BRINP3: variants seen among roughly 807,000 people sequenced by gnomAD.
BRINP3 encodes the protein BMP/retinoic acid-inducible neural-specific protein 3.
In BRINP3, 19 loss-of-function variants were observed where a neutral mutation model predicts 71.0. The ratio of observed to expected loss-of-function variants is 0.27; its 90% confidence interval spans 0.19 to 0.39. The LOEUF is 0.39. BRINP3 is among the 10% of genes least tolerant of loss of function. The probability of loss-of-function intolerance (pLI) is 1.00; values close to 1 mark genes in which losing one functional copy is unlikely to be tolerated. For missense variants in BRINP3, 959 were observed against 940.8 expected (o/e 1.02, Z -0.25); for synonymous variants, 380 against 337.7 (o/e 1.13, Z -1.37).
chr1:190,380,007 AAAAAAG>A (rs1433022092), intron 2 of BRINP3, among the ~76,000 whole-genome samples: 87 of 123,262 alleles, frequency 7.1e-4, no homozygotes, highest in African/African-American at 1.9e-3. Flanking sequence ...CAAAAAAAAA[AAAAAAG>A]AAAAAAGAAA....
At position 190,311,154 on chromosome 1, in the gene BRINP3, G is replaced by A. The variant is rs998928925; in HGVS notation, c.237-29404C>T. Among the ~76,000 whole-genome samples, 4 of 151,628 alleles carry A rather than the reference G, an allele frequency of 2.6e-5. No individual in the cohort carries two copies. In the East Asian group the frequency reaches 5.8e-4, roughly 22 times the overall value. ...CAATGAACTGAAACAGCAAGCACAA[G>A]GTCCCATGTGCTTTTATCATAAATG... On this transcript the variant is annotated intron_variant, in intron 2 of 7. Transcript: ENST00000367462.
intron 2 of BRINP3, among the ~76,000 whole-genome samples, chr1:190,380,117 A>ACTCAGCCT (rs1234382148): frequency 1.3e-5 from 2 of 152,098 alleles, no homozygotes; most frequent in Non-Finnish European, 1.5e-5. Context: ...AGTTGAATTT[A>ACTCAGCCT]CTCAGCCTTG....
At chr1:190,404,326 G>A (rs1672125823) in intron 2 of BRINP3, among the ~76,000 whole-genome samples, 2 of 152,054 alleles carry the variant, frequency 1.3e-5, no homozygotes, top group Admixed American at 1.3e-4. Flanking sequence ...CTGGGATGCA[G>A]GGCTGATATG....
chr1:190,261,505 C>T (rs1321780622), intron 4 of BRINP3, among the ~76,000 whole-genome samples: 1 of 152,052 alleles, frequency 6.6e-6, no homozygotes, highest in Non-Finnish European at 1.5e-5. Context: ...CTTTATTCCA[C>T]TTTCTAGAAA....
chr1:190,361,516 C>T (rs534067972), intron 2 of BRINP3, among the ~76,000 whole-genome samples: 2 of 152,140 alleles, frequency 1.3e-5, no homozygotes, highest in South Asian at 4.2e-4. Flanking sequence ...GATTCTCCTG[C>T]CTTAGCCTCC....
chr1:190,301,166 C>CATATATATACATATATATGT (rs1664662998), intron 2 of BRINP3, among the ~76,000 whole-genome samples: 2 of 38,062 alleles, frequency 5.3e-5, no homozygotes, highest in Non-Finnish European at 6.3e-5. Context: ...TATATATATA[C>CATATATATACATATATATGT]ATATATATAC....
chr1:190,229,247 T>C (rs1225765382), intron 5 of BRINP3, among the ~76,000 whole-genome samples: 4 of 151,870 alleles, frequency 2.6e-5, no homozygotes, highest in Non-Finnish European at 4.4e-5. Context: ...TGGGAGGTAA[T>C]AGAATCATGG....
intron 3 of BRINP3, among the ~76,000 whole-genome samples, chr1:190,269,072 A>G (rs577045805): frequency 1.5e-4 from 23 of 152,300 alleles, no homozygotes; most frequent in Admixed American, 9.2e-4. Context: ...GCAAATTGTA[A>G]AATCTGTATA....
chr1:190,369,559 C>CAT (rs1375510996), intron 2 of BRINP3, among the ~76,000 whole-genome samples: 8 of 151,826 alleles, frequency 5.3e-5, no homozygotes, highest in Non-Finnish European at 1.2e-4. Flanking sequence ...ATTAAATGTA[C>CAT]AATCTCTGAG....
intron 3 of BRINP3, among the ~76,000 whole-genome samples, chr1:190,266,033 T>G (rs528403767): frequency 1.1e-4 from 17 of 152,318 alleles, no homozygotes; most frequent in Non-Finnish European, 1.9e-4. Context: ...AGCTGAACTT[T>G]TCAATGTCCA....
intron 2 of BRINP3, among the ~76,000 whole-genome samples, chr1:190,451,825 C>T (rs1675627462): frequency 6.6e-6 from 1 of 151,954 alleles, no homozygotes; most frequent in Admixed American, 6.6e-5. Context: ...GTGTCCTTGC[C>T]GTTCTATATT....
intron 2 of BRINP3, among the ~76,000 whole-genome samples, chr1:190,287,295 GGC>G (rs1378913120): frequency 6.6e-6 from 1 of 151,990 alleles, no homozygotes; most frequent in African/African-American, 2.4e-5. Flanking sequence ...TTTTCCATTT[GGC>G]TGGTAAAAGG....
intron 3 of BRINP3, among the ~76,000 whole-genome samples, chr1:190,275,958 T>TAG (rs1331626758): frequency 2.1e-4 from 31 of 150,270 alleles, no homozygotes; most frequent in South Asian, 1.1e-3. Context: ...GATATATATA[T>TAG]ATATAGAGAG....
intron 6 of BRINP3, among the ~76,000 whole-genome samples, chr1:190,208,660 A>G (rs1408264524): frequency 6.6e-6 from 1 of 151,550 alleles, no homozygotes; most frequent in African/African-American, 2.4e-5. Flanking sequence ...ATGCCCAGCT[A>G]ATTTTTGTAT....
In BRINP3 at chr1:190,150,264, CTATG is replaced by C. The variant is rs773990448; in HGVS notation, c.1184+10400_1184+10403del. 8.4e-4 allele frequency among the ~76,000 whole-genome samples: 111 copies of C among 131,714 alleles called. 1 individual carries two copies. Among genetic ancestry groups the C allele is most frequent in the South Asian group, 8.4e-3 (36 of 4,282 alleles). The allele number at this position is 131,714 out of a possible 152,430, so 86.4% of individuals were successfully genotyped here. A position where few individuals can be genotyped will look rare whatever the true frequency, so the allele number is the denominator to read the frequency against. ...AATGAGTTGGTATATATGTGCATAT[CTATG>C]TGTGTGTGTGTGTGTGTGTGTACAT... On this transcript the variant is annotated intron_variant, in intron 7 of 7. Transcript: ENST00000367462.
At chr1:190,301,196 T>C (rs372388878) in intron 2 of BRINP3, among the ~76,000 whole-genome samples, 15 of 36,732 alleles carry the variant, frequency 4.1e-4, no homozygotes, top group South Asian at 3.5e-3. Flanking sequence ...TGTATATATA[T>C]ACACATACAT....
intron 7 of BRINP3, among the ~76,000 whole-genome samples, chr1:190,154,956 T>G (rs771021472): frequency 1.5e-4 from 23 of 152,122 alleles, no homozygotes; most frequent in Non-Finnish European, 2.9e-4. Context: ...CTGATTTATT[T>G]AACGGCAATG....
At chr1:190,211,735 A>C (rs1656006502) in intron 6 of BRINP3, among the ~76,000 whole-genome samples, 1 of 152,140 alleles carries the variant, frequency 6.6e-6, no homozygotes, top group South Asian at 2.1e-4. Flanking sequence ...AATTCATTTG[A>C]GATCTAAATC....
chr1:190,224,354 A>G (rs974753149), intron 6 of BRINP3, among the ~76,000 whole-genome samples: 3 of 151,714 alleles, frequency 2.0e-5, no homozygotes, highest in African/African-American at 4.8e-5. Flanking sequence ...AGCCAACTCA[A>G]CTTTGACAAA....
Sources: allele counts gnomAD v4.1 joint callset (sites outside exome capture counted in the v4.1 genomes callset), GRCh38; gene constraint gnomAD v4.1.1; transcripts MANE v1.5; gene names NCBI Gene and HGNC (gene_info 2026-07-23, HGNC 2026-07-21).